The following IKBKB variants were observed in gnomAD, a reference collection of about 807,000 sequenced individuals.
IKBKB encodes the protein inhibitor of nuclear factor kappa-B kinase subunit beta.
Under a neutral mutation model 113.6 loss-of-function variants are expected in IKBKB, and 42 were observed. The ratio of observed to expected loss-of-function variants is 0.37; its 90% confidence interval spans 0.29 to 0.48. IKBKB has a LOEUF of 0.48. IKBKB is among the 20% of genes least tolerant of loss of function. The probability of loss-of-function intolerance (pLI) is 0.99; values close to 1 mark genes in which losing one functional copy is unlikely to be tolerated. For synonymous variants in IKBKB, 296 were observed against 361.3 expected (o/e 0.82, Z 2.05); for missense variants, 673 against 939.7 (o/e 0.72, Z 3.71).
chr8:42,326,699 G>A (rs1820802824), intron 20 of IKBKB, among the ~76,000 whole-genome samples: 1 of 152,156 alleles, frequency 6.6e-6, no homozygotes, highest in South Asian at 2.1e-4. Flanking sequence ...CTGAGCTTTC[G>A]TCAAGTCTCA....
intron 5 of IKBKB, among the ~76,000 whole-genome samples, chr8:42,297,146 C>T (rs554547670): frequency 1.0e-3 from 157 of 152,228 alleles, no homozygotes; most frequent in Non-Finnish European, 1.5e-3. Context: ...GGGTGCAGTG[C>T]AGCCCCGGTT....
intron 2 of IKBKB, among the ~76,000 whole-genome samples, chr8:42,275,621 T>C (rs887348256): frequency 6.6e-6 from 1 of 152,222 alleles, no homozygotes; most frequent in African/African-American, 2.4e-5. Flanking sequence ...AGGATTTCAT[T>C]CTTTTTTATG....
intron 3 of IKBKB, among the ~76,000 whole-genome samples, chr8:42,288,933 A>T (rs1245711256): frequency 6.6e-6 from 1 of 152,136 alleles, no homozygotes; most frequent in East Asian, 1.9e-4. Flanking sequence ...AATACAAAAA[A>T]TTAGCCGGGC....
intron 13 of IKBKB, 23 bp downstream of exon 13, chr8:42,318,698 T>A (rs200304063): frequency 5.6e-5 from 88 of 1,571,116 alleles, no homozygotes; most frequent in African/African-American, 4.5e-4. Context: ...GCTTTTTTTT[T>A]AAACTTAATT....
At position 42,316,070 on chromosome 8, in the gene IKBKB, G is replaced by A. The variant is rs1297245360; in HGVS notation, c.801-140G>A. On this transcript the variant is annotated intron_variant, in intron 9 of 21. Transcript: ENST00000520810. The surrounding 1 kb of genome is among the most constrained non-coding windows in gnomAD (Gnocchi z 4.5). ...AACACCTGAATAATTGATTGGAAAT[G>A]TTTATACTGTTTCTGATAAACCCAT... 2.4e-6 allele frequency: 2 copies of A among 850,106 alleles called. No homozygotes were observed. The highest frequency in any genetic ancestry group is 1.8e-6 in the Non-Finnish European group (1 of 558,274). 52.7% of individuals were successfully genotyped at this position (850,106 alleles called of 1,614,324 possible). A position where few individuals can be genotyped will look rare whatever the true frequency, so the allele number is the denominator to read the frequency against.
chr8:42,324,830 G>A (rs1820440052), intron 19 of IKBKB: 1 of 153,074 alleles, frequency 6.5e-6, no homozygotes, highest in Non-Finnish European at 1.5e-5. Context: ...CAGTGCAGGA[G>A]CCATCCCCTG....
At chr8:42,324,467 G>T (rs373676141) in intron 19 of IKBKB, among the ~76,000 whole-genome samples, 1 of 152,108 alleles carries the variant, frequency 6.6e-6, no homozygotes, top group African/African-American at 2.4e-5. Flanking sequence ...GTTTCACCAT[G>T]TTGGCCAGGC....
chr8:42,318,480 G>T, intron 12 of IKBKB, 72 bp from the exon 13 acceptor site: 1 of 1,550,440 alleles, frequency 6.4e-7, no homozygotes. Flanking sequence ...TAGTGTCGAA[G>T]GCAGGATATG....
At chr8:42,279,809 C>T (rs1809975294) in intron 2 of IKBKB, among the ~76,000 whole-genome samples, 1 of 152,140 alleles carries the variant, frequency 6.6e-6, no homozygotes, top group African/African-American at 2.4e-5. Flanking sequence ...CAGTCTAAAC[C>T]TTTTTGAAGC....
intron 8 of IKBKB, chr8:42,309,813 A>G (rs961972954): frequency 6.6e-6 from 1 of 152,218 alleles, no homozygotes; most frequent in Non-Finnish European, 1.5e-5. Flanking sequence ...TGAACCTAAT[A>G]AATTACACAA....
chr8:42,319,502 T>C, intron 14 of IKBKB, 81 bp downstream of exon 14: 5 of 1,591,094 alleles, frequency 3.1e-6, no homozygotes, highest in Non-Finnish European at 4.3e-6. Context: ...TGTCCTATTA[T>C]AATTGAGTTG....
intron 6 of IKBKB, 105 bp from the exon 7 acceptor site, chr8:42,306,238 C>G: frequency 1.4e-6 from 1 of 712,540 alleles, no homozygotes. Flanking sequence ...CTAATAGTAC[C>G]TGGGAATTCA....
At chr8:42,299,230 C>A (rs1019512182) in intron 5 of IKBKB, among the ~76,000 whole-genome samples, 4 of 152,166 alleles carry the variant, frequency 2.6e-5, no homozygotes, top group Admixed American at 1.3e-4. Flanking sequence ...ACAGAGTCAG[C>A]CCCCGCTCCT....
chr8:42,311,188 T>C (rs1162643213), intron 8 of IKBKB, among the ~76,000 whole-genome samples: 1 of 152,234 alleles, frequency 6.6e-6, no homozygotes, highest in East Asian at 1.9e-4. Context: ...CACTGGCTAT[T>C]GTCACCTTCT....
rs201033742 is a variant in IKBKB, at chr8:42,316,850, G to A, written c.1071G>A (p.Ala357=). The A allele has an allele frequency of 5.6e-6, 9 of 1,614,120 alleles. No homozygotes were observed. Among genetic ancestry groups the A allele is most frequent in the Admixed American group, 1.7e-5 (1 of 60,008 alleles). ...PEEDQELLQE[A]GLALIPDKPA... ...AGGACCAGGAGCTGCTGCAGGAAGC[G>A]GGCCTGGCGTTGATCCCCGATAAGC... Residue 357 remains alanine, a synonymous_variant, in exon 11 of 22, where the codon GCG becomes GCA. Transcript: ENST00000520810. The surrounding 1 kb of genome is among the most constrained non-coding windows in gnomAD (Gnocchi z 4.5).
intron 2 of IKBKB, among the ~76,000 whole-genome samples, chr8:42,285,789 T>C (rs1271134242): frequency 6.6e-6 from 1 of 152,162 alleles, no homozygotes; most frequent in Non-Finnish European, 1.5e-5. Flanking sequence ...TTGGAAACAG[T>C]GCTCAGGGAA....
At chr8:42,306,687 G>C (rs561125989) in intron 7 of IKBKB, among the ~76,000 whole-genome samples, 1 of 152,228 alleles carries the variant, frequency 6.6e-6, no homozygotes, top group South Asian at 2.1e-4. Context: ...TAGCCTCTCT[G>C]TGCTTCAGTG....
At chr8:42,301,209 GCTCT>G (rs1815143459) in intron 5 of IKBKB, among the ~76,000 whole-genome samples, 1 of 152,194 alleles carries the variant, frequency 6.6e-6, no homozygotes. Flanking sequence ...GCTTCTCACA[GCTCT>G]TCTCTGTAAT....
chr8:42,284,898 C>A (rs1313696488), intron 2 of IKBKB, among the ~76,000 whole-genome samples: 1 of 145,490 alleles, frequency 6.9e-6, no homozygotes, highest in Non-Finnish European at 1.5e-5. Flanking sequence ...ACTCTGTCAC[C>A]CAGGCTGGAG....
Sources: gnomAD v4.1 joint callset for allele counts (sites outside exome capture counted in the v4.1 genomes callset) on GRCh38, gnomAD v4.1.1 for gene constraint, Gnocchi (gnomAD v3.1) non-coding constraint, MANE v1.5 for transcripts, NCBI Gene and HGNC (gene_info 2026-07-23, HGNC 2026-07-21) for gene names.